Variants in DSG4 observed in about 807,000 individuals in gnomAD.
The protein encoded by DSG4 is desmoglein-4.
A neutral mutation model predicts 93.1 loss-of-function variants in DSG4; 87 were observed. That is an observed-to-expected ratio of 0.93 (90% CI 0.79 to 1.12). DSG4 has a LOEUF of 1.12. Ranked by LOEUF, DSG4 falls within the 50% of genes most tolerant of loss-of-function variation. The probability of loss-of-function intolerance (pLI) is 0.00; values close to 1 mark genes in which losing one functional copy is unlikely to be tolerated. For missense variants in DSG4, 1,373 were observed against 1,285.7 expected, an observed-to-expected ratio of 1.07 and a Z score of -1.04; for synonymous variants, 432 against 452.9, an observed-to-expected ratio of 0.95 and a Z score of 0.59.
Position 31,409,820 on chromosome 18 carries a change from C to A in DSG4, c.2137+12C>A. The A allele has an allele frequency of 1.9e-6, 3 of 1,614,054 alleles. No individual in the cohort carries two copies. Among genetic ancestry groups the A allele is most frequent in the Non-Finnish European group, 2.5e-6 (3 of 1,179,976 alleles). ...GATGGATTCCTCTGGTCAGTAGACA[C>A]CAAAATCTGTTTTTCCTTTTAAATT... On this transcript the variant is annotated intron_variant, in intron 14 of 15. Transcript: ENST00000308128.
At position 31,389,030 on chromosome 18, in the gene DSG4, G is replaced by T; in HGVS notation, c.517+12G>T. The T allele has an allele frequency of 1.2e-6, 2 of 1,612,642 alleles. No homozygotes were observed. The highest frequency in any genetic ancestry group is 2.2e-5 in the South Asian group (2 of 91,018). On this transcript the variant is annotated intron_variant, in intron 5 of 15. Coordinates refer to ENST00000308128, the MANE Select transcript of DSG4 (RefSeq NM_177986.5). ...AAATAGTGATGCCAGTAAGTAGAAT[G>T]ACATTCCTTCTCTACGTCACAGCAT...
chr18:31,402,398 C>G (rs2144201645), intron 10 of DSG4, among the ~76,000 whole-genome samples: 1 of 152,244 alleles, frequency 6.6e-6, no homozygotes, highest in East Asian at 1.9e-4. Flanking sequence ...ACAAATAAAA[C>G]AATCTGTGGA....
At chr18:31,378,020 C>A (rs2072095682) in intron 1 of DSG4, among the ~76,000 whole-genome samples, 1 of 152,138 alleles carries the variant, frequency 6.6e-6, no homozygotes, top group Non-Finnish European at 1.5e-5. Flanking sequence ...ACAGTGAGAG[C>A]TACTCTTCTG....
At position 31,399,340 on chromosome 18, in the gene DSG4, C is replaced by G. The variant is rs772511697; in HGVS notation, c.1074C>G (p.His358Gln). 2 of 1,614,094 alleles carry G rather than the reference C, an allele frequency of 1.2e-6. No individual in the cohort carries two copies. The highest frequency in any genetic ancestry group is 8.5e-7 in the Non-Finnish European group (1 of 1,179,956). The stretch of plus-strand genomic sequence containing the variant: ...GAGTTAAAAACCAAGCTGATTTTCA[C>G]TACTCCGTTGCTTCTCAATTCCAAA... ...SIGVKNQADF[H>Q]YSVASQFQMH... Residue 358 changes from histidine (H) to glutamine (Q), a missense_variant, in exon 9 of 16, where the codon CAC becomes CAG. His to Gln is a conservative substitution (Grantham distance 24). Transcript: ENST00000308128.
chr18:31,383,181 T>C (rs2072154201), intron 1 of DSG4, among the ~76,000 whole-genome samples: 1 of 152,218 alleles, frequency 6.6e-6, no homozygotes, highest in Non-Finnish European at 1.5e-5. Flanking sequence ...CACTTCCACC[T>C]TGGTCATTCT....
At chr18:31,377,760 G>C (rs1319315182) in intron 1 of DSG4, among the ~76,000 whole-genome samples, 1 of 152,154 alleles carries the variant, frequency 6.6e-6, no homozygotes, top group Non-Finnish European at 1.5e-5. Flanking sequence ...AATTCTGGGA[G>C]GGTAAGAGGA....
At chr18:31,383,002 CT>C (rs1241273482) in intron 1 of DSG4, among the ~76,000 whole-genome samples, 5 of 152,186 alleles carry the variant, frequency 3.3e-5, no homozygotes, top group African/African-American at 1.2e-4. Context: ...TCCGTTTAAA[CT>C]ACAGACAAGT....
chr18:31,406,897 C>T (rs1408155803), intron 12 of DSG4, among the ~76,000 whole-genome samples: 1 of 152,026 alleles, frequency 6.6e-6, no homozygotes, highest in African/African-American at 2.4e-5. Context: ...CCTGCCTCAG[C>T]CTCCCGAGTA....
chr18:31,388,019 T>A (rs1307788843), intron 3 of DSG4, among the ~76,000 whole-genome samples: 1 of 152,152 alleles, frequency 6.6e-6, no homozygotes. Flanking sequence ...AAGTTATTTT[T>A]AAAAAATAGT....
Position 31,413,341 on chromosome 18 carries a change from G to C in DSG4, c.2869G>C (p.Ala957Pro). The C allele has an allele frequency of 6.2e-7, 1 of 1,614,174 alleles. No individual in the cohort carries two copies. The highest frequency in any genetic ancestry group is 1.1e-5 in the South Asian group (1 of 91,076). The change falls in exon 16 of 16, where the codon GCA (alanine) becomes CCA (proline). Residue 957 changes from alanine (A) to proline (P), a missense_variant. Transcript: ENST00000308128. ...QGNICVPAEL[A>P]DYNNVIYAER... The stretch of plus-strand genomic sequence containing the variant: ...GAATATTTGTGTACCTGCTGAGTTA[G>C]CAGATTACAACAATGTAATCTATGC...
rs1037430188 is a variant in DSG4, at chr18:31,405,967, A to G, written c.1637-110A>G. On this transcript the variant is annotated intron_variant, in intron 11 of 15. Coordinates refer to ENST00000308128, the MANE Select transcript of DSG4 (RefSeq NM_177986.5). ...CAAGGTGCTTTATGACTAAGAAAGC[A>G]TGAAAAATCTAGTGTTTTAAGTCAA... is the stretch of plus-strand genomic sequence containing the variant. 35 of 1,197,034 alleles carry G rather than the reference A, an allele frequency of 2.9e-5. No homozygotes were observed. The Admixed American group carries it at 3.6e-4, about 12-fold the overall frequency. 74.2% of individuals were successfully genotyped at this position (1,197,034 alleles called of 1,614,324 possible). A position where few individuals can be genotyped will look rare whatever the true frequency, so the allele number is the denominator to read the frequency against.
intron 1 of DSG4, among the ~76,000 whole-genome samples, chr18:31,383,603 G>A (rs1271172901): frequency 6.6e-6 from 1 of 151,978 alleles, no homozygotes; most frequent in South Asian, 2.1e-4. Context: ...TAAAACTAGA[G>A]TTTTAAAGGA....
At chr18:31,392,526 T>C (rs1004672684) in intron 8 of DSG4, among the ~76,000 whole-genome samples, 186 bp downstream of exon 8, 1 of 152,170 alleles carries the variant, frequency 6.6e-6, no homozygotes, top group Admixed American at 6.5e-5. Flanking sequence ...ACAAAACTTA[T>C]TACCAAGAAA....
At position 31,392,300 on chromosome 18, in the gene DSG4, C is replaced by T; in HGVS notation, c.965C>T (p.Thr322Ile). 6.2e-7 allele frequency: 1 copy of T among 1,613,730 alleles called. No individual in the cohort carries two copies. The highest frequency in any genetic ancestry group is 2.2e-5 in the East Asian group (1 of 44,778). The change falls in exon 8 of 16, where the codon ACA becomes ATA. Residue 322 changes from threonine (T) to isoleucine (I), a missense_variant. Coordinates refer to ENST00000308128, the MANE Select transcript of DSG4 (RefSeq NM_177986.5). ...GNDGNWFDIQ[T>I]DPQTNEGILK... is the part of the protein sequence containing the mutation. Reference sequence around the variant, plus strand: ...GATGGGAATTGGTTCGATATTCAAACAGATCCACAAACCAATGAAGGCATT... The same window carrying T: ...GATGGGAATTGGTTCGATATTCAAATAGATCCACAAACCAATGAAGGCATT...
chr18:31,406,325 G>A lies in DSG4; in HGVS notation c.1885G>A (p.Gly629Arg). ...DQAGVSNVGLGPAGIGMMVLG... is the reference protein window; with the variant it reads ...DQAGVSNVGLRPAGIGMMVLG... ...AGCTGGAGTTTCAAATGTTGGTCTT[G>A]GACCAGCAGGGATTGGCATGATGGT... is the stretch of plus-strand genomic sequence containing the variant. The change falls in exon 12 of 16, where the codon GGA becomes AGA. Residue 629 changes from glycine (G) to arginine (R), a missense_variant. By Grantham distance (125) the Gly-to-Arg change is moderately radical. Coordinates refer to ENST00000308128, the MANE Select transcript of DSG4 (RefSeq NM_177986.5). 3 of 1,614,196 alleles carry A rather than the reference G, an allele frequency of 1.9e-6. No homozygotes were observed. The highest frequency in any genetic ancestry group is 2.5e-6 in the Non-Finnish European group (3 of 1,180,040).
In DSG4 at chr18:31,404,059, C is replaced by T. The variant is rs187764677; in HGVS notation, c.1636+425C>T. 2.0e-4 allele frequency among the ~76,000 whole-genome samples: 30 copies of T among 152,250 alleles called. No homozygotes were observed. The East Asian group carries it at 4.8e-3, about 24-fold the overall frequency. On this transcript the variant is annotated intron_variant, in intron 11 of 15. Transcript: ENST00000308128. Reference sequence around the variant, plus strand: ...TCCCATAGATACATTTAAACATTTACTACTCACTTAGGAGCACATAAAATC... The same window carrying T: ...TCCCATAGATACATTTAAACATTTATTACTCACTTAGGAGCACATAAAATC...
At position 31,391,266 on chromosome 18, in the gene DSG4, A is replaced by C. The variant is rs192421503; in HGVS notation, c.819+54A>C. The C allele has an allele frequency of 2.5e-6, 4 of 1,607,250 alleles. No homozygotes were observed. The African/African-American group carries it at 5.3e-5, about 21-fold the overall frequency. On this transcript the variant is annotated intron_variant, in intron 7 of 15. Transcript: ENST00000308128. ...CCATAAGTGTCAATAATCAATTTGC[A>C]TAAGTGTCAATAATCAATCATGCTG...
intron 2 of DSG4, among the ~76,000 whole-genome samples, chr18:31,386,329 T>C (rs896528511): frequency 1.3e-5 from 2 of 152,136 alleles, no homozygotes; most frequent in Non-Finnish European, 2.9e-5. Flanking sequence ...AGTCTGTAAA[T>C]TCTGGTGAAA....
At chr18:31,395,253 A>G (rs2072293708) in intron 8 of DSG4, among the ~76,000 whole-genome samples, 1 of 151,308 alleles carries the variant, frequency 6.6e-6, no homozygotes, top group African/African-American at 2.4e-5. Flanking sequence ...CAACTTTTTT[A>G]AAGATATACT....
Sources: gnomAD v4.1 joint callset for allele counts (sites outside exome capture counted in the v4.1 genomes callset) on GRCh38, gnomAD v4.1.1 for gene constraint, MANE v1.5 for transcripts, NCBI Gene and HGNC (gene_info 2026-07-23, HGNC 2026-07-21) for gene names.